Variants in PREX2 observed in about 807,000 individuals in gnomAD.
PREX2 encodes phosphatidylinositol-3,4,5-trisphosphate dependent Rac exchange factor 2.
PREX2 carries 107 observed loss-of-function variants against 203.2 expected under a neutral mutation model. The observed-to-expected ratio is 0.53, with a 90% confidence interval of 0.45 to 0.62. The LOEUF (loss-of-function observed/expected upper bound fraction) is 0.62, where lower values mean the gene tolerates loss of function less well. Among genes scored for constraint, PREX2 ranks in the 20% least tolerant of loss-of-function variants. The probability of loss-of-function intolerance (pLI) is 0.00; values close to 1 mark genes in which losing one functional copy is unlikely to be tolerated. For synonymous variants in PREX2, 672 were observed against 663.6 expected, an observed-to-expected ratio of 1.01 and a Z score of -0.19; for missense variants, 1,777 against 1,955.9, an observed-to-expected ratio of 0.91 and a Z score of 1.72.
intron 10 of PREX2, 109 bp from the exon 11 acceptor site, chr8:68,060,570 C>T (rs1585747738): frequency 1.4e-6 from 1 of 696,754 alleles, no homozygotes; most frequent in East Asian, 2.8e-5. Context: ...GCAAATATTC[C>T]TTTATATTTT....
intron 35 of PREX2, among the ~76,000 whole-genome samples, chr8:68,176,293 G>C (rs1170716582): frequency 6.6e-6 from 1 of 152,118 alleles, no homozygotes; most frequent in Non-Finnish European, 1.5e-5. Context: ...TCTGAGCCAG[G>C]TATGAAAAAA....
chr8:68,122,081 C>T (rs535249812), intron 30 of PREX2, among the ~76,000 whole-genome samples: 13 of 152,074 alleles, frequency 8.5e-5, no homozygotes, highest in Admixed American at 2.0e-4. Context: ...TGACAAAAGA[C>T]AACCCCTTAT....
At chr8:67,980,473 TC>T (rs5892120) in intron 1 of PREX2, among the ~76,000 whole-genome samples, 52,369 of 152,042 alleles carry the variant, frequency 0.34, 9,432 homozygotes, top group East Asian at 0.6. Flanking sequence ...GGCAACATGT[TC>T]TCAGAACAAA....
At chr8:67,975,995 C>A (rs755922777) in intron 1 of PREX2, among the ~76,000 whole-genome samples, 1 of 151,418 alleles carries the variant, frequency 6.6e-6, no homozygotes, top group Non-Finnish European at 1.5e-5. Flanking sequence ...GGATTACAGG[C>A]GTGAGTCACT....
intron 34 of PREX2, among the ~76,000 whole-genome samples, chr8:68,155,532 C>T (rs142194738): frequency 6.6e-6 from 1 of 152,128 alleles, no homozygotes. Context: ...ATTTCCCCCC[C>T]TCAAAATGGT....
intron 33 of PREX2, among the ~76,000 whole-genome samples, chr8:68,142,043 C>G (rs905173416): frequency 6.6e-6 from 1 of 152,090 alleles, no homozygotes; most frequent in Non-Finnish European, 1.5e-5. Flanking sequence ...ATACCCCTGT[C>G]CCTACACATG....
Position 68,080,495 on chromosome 8 carries a change from G to A in PREX2, c.1695G>A (p.Ser565=), listed in dbSNP as rs1386409533. The A allele has an allele frequency of 4.4e-6, 7 of 1,605,424 alleles. No individual in the cohort carries two copies. The highest frequency in any genetic ancestry group is 5.1e-6 in the Non-Finnish European group (6 of 1,175,164). The change falls in exon 16 of 40, where the codon TCG becomes TCA. Residue 565 remains serine (S), a synonymous_variant. Coordinates refer to ENST00000288368, the MANE Select transcript of PREX2 (RefSeq NM_024870.4). ...KDEPLLFRFF[S]DEEMEGSNMK... is the part of the protein sequence containing the mutation. The stretch of plus-strand genomic sequence containing the variant: ...AACCCCTACTTTTCCGTTTTTTTTC[G>A]GATGAGGAAATGGAGGGATCAAATA...
At chr8:68,023,280 C>T (rs574955251) in intron 4 of PREX2, among the ~76,000 whole-genome samples, 9 of 152,138 alleles carry the variant, frequency 5.9e-5, no homozygotes, top group Non-Finnish European at 1.0e-4. Flanking sequence ...TATATCTTTG[C>T]CAACACTTGG....
intron 38 of PREX2, among the ~76,000 whole-genome samples, chr8:68,218,060 A>G (rs1812880175): frequency 7.5e-6 from 1 of 134,052 alleles, no homozygotes; most frequent in African/African-American, 3.0e-5. Flanking sequence ...TGTTAGTGGT[A>G]AAGCTTGGGA....
intron 23 of PREX2, among the ~76,000 whole-genome samples, chr8:68,100,465 T>C (rs984919574): frequency 6.6e-6 from 1 of 152,166 alleles, no homozygotes; most frequent in Non-Finnish European, 1.5e-5. Context: ...GAAATCAAAA[T>C]AGGGAAGTAT....
intron 1 of PREX2, among the ~76,000 whole-genome samples, chr8:67,965,045 A>G (rs1805729559): frequency 6.6e-6 from 1 of 152,156 alleles, no homozygotes; most frequent in South Asian, 2.1e-4. Flanking sequence ...TTGACTCCGG[A>G]AGTACACAGA....
At chr8:68,177,627 T>A (rs1328970142) in intron 35 of PREX2, among the ~76,000 whole-genome samples, 1 of 152,224 alleles carries the variant, frequency 6.6e-6, no homozygotes, top group Non-Finnish European at 1.5e-5. Context: ...GTACTTTTTT[T>A]TCCTTCAACT....
At chr8:68,052,245 A>C (rs1302014089) in intron 8 of PREX2, among the ~76,000 whole-genome samples, 1 of 152,074 alleles carries the variant, frequency 6.6e-6, no homozygotes, top group Non-Finnish European at 1.5e-5. Context: ...ACAGGTGCTG[A>C]CTCAGGCCTC....
At chr8:68,084,956 A>G (rs1474109202) in intron 18 of PREX2, among the ~76,000 whole-genome samples, 2 of 152,182 alleles carry the variant, frequency 1.3e-5, no homozygotes, top group African/African-American at 4.8e-5. Flanking sequence ...AACTGAATAA[A>G]TAGGAGCAAA....
chr8:67,953,521 C>T (rs1243191479), intron 1 of PREX2, among the ~76,000 whole-genome samples: 1 of 152,132 alleles, frequency 6.6e-6, no homozygotes, highest in African/African-American at 2.4e-5. Flanking sequence ...TTTTTGTGAT[C>T]TCATCCAAAT....
chr8:68,217,100 T>A (rs1812857173), intron 37 of PREX2, among the ~76,000 whole-genome samples: 1 of 152,048 alleles, frequency 6.6e-6, no homozygotes, highest in Non-Finnish European at 1.5e-5. Flanking sequence ...CAGTTATGAG[T>A]TCCTTTTGGA....
At chr8:68,180,796 C>A (rs1332951487) in intron 35 of PREX2, among the ~76,000 whole-genome samples, 8 of 152,128 alleles carry the variant, frequency 5.3e-5, no homozygotes, top group African/African-American at 1.7e-4. Flanking sequence ...GAATGGTTCT[C>A]GTAGGATGAC....
chr8:68,130,831 A>C (rs1342553282), intron 31 of PREX2, among the ~76,000 whole-genome samples: 2 of 152,218 alleles, frequency 1.3e-5, no homozygotes, highest in East Asian at 3.8e-4. Flanking sequence ...GGATACCCCC[A>C]GGTCTATGGT....
chr8:68,222,963 G>A (rs151262174), intron 38 of PREX2, among the ~76,000 whole-genome samples: 46 of 152,310 alleles, frequency 3.0e-4, no homozygotes, highest in African/African-American at 1.0e-3. Flanking sequence ...CTTATCAAGA[G>A]TGTTAAGGTC....
Sources: allele counts gnomAD v4.1 joint callset (sites outside exome capture counted in the v4.1 genomes callset), GRCh38; gene constraint gnomAD v4.1.1; transcripts MANE v1.5; gene names NCBI Gene and HGNC (gene_info 2026-07-23, HGNC 2026-07-21).